The following TPPP variants were observed in gnomAD, a reference collection of about 807,000 sequenced individuals.
TPPP encodes tubulin polymerization-promoting protein.
In TPPP, 6 loss-of-function variants were observed where a neutral mutation model predicts 15.5. The observed-to-expected ratio is 0.39, with a 90% CI of 0.21 to 0.77. TPPP has a LOEUF of 0.77. Among genes scored for constraint, TPPP ranks in the 30% least tolerant of loss-of-function variants. The pLI, the probability that TPPP is intolerant of heterozygous loss-of-function variation, is 0.42. For missense variants in TPPP, 269 were observed against 307.2 expected, an observed-to-expected ratio of 0.88 and a Z score of 0.93; for synonymous variants, 146 against 133.9, an observed-to-expected ratio of 1.09 and a Z score of -0.63.
At chr5:692,329 C>G (rs1740906836) in intron 1 of TPPP, among the ~76,000 whole-genome samples, 1 of 116,512 alleles carries the variant, frequency 8.6e-6, no homozygotes, top group African/African-American at 3.2e-5. Context: ...AACCCCCTAT[C>G]AAAACAGCAG....
chr5:672,953 A>ACCC (rs1740273833), intron 2 of TPPP, among the ~76,000 whole-genome samples: 3 of 152,188 alleles, frequency 2.0e-5, no homozygotes, highest in Admixed American at 1.3e-4. Flanking sequence ...GCTCGCAGAT[A>ACCC]CCCCGAGCTG....
chr5:665,942 C>A, intron 3 of TPPP, 28 bp downstream of exon 3: 1 of 1,395,362 alleles, frequency 7.2e-7, no homozygotes. Flanking sequence ...CCCCTCCAGG[C>A]CCCGCCTTCC....
chr5:683,171 G>A (rs1277703425), intron 1 of TPPP, among the ~76,000 whole-genome samples: 3 of 152,186 alleles, frequency 2.0e-5, no homozygotes, highest in African/African-American at 7.2e-5. Flanking sequence ...CCCATGGTAG[G>A]ACAGCTGCTT....
Position 663,070 on chromosome 5 carries a change from C to T in TPPP, c.*2032G>A, listed in dbSNP as rs9313157. The T allele has an allele frequency of 0.16, 17,648 of 108,772 alleles. 1,996 individuals are homozygous for T. Among genetic ancestry groups the T allele is most frequent in the South Asian group, 0.24 (772 of 3,172 alleles). The allele number at this position is 108,772 out of a possible 1,614,324, so 6.7% of individuals were successfully genotyped here. On this transcript the variant is annotated 3_prime_UTR_variant, in exon 4 of 4. Transcript: ENST00000360578. ...CTGCTCGTCTGTGATCGGGTGATTC[C>T]GATGACTGCTTGTCTGTGATTGGGC... is the stretch of plus-strand genomic sequence containing the variant.
chr5:668,911 C>G (rs528794252), intron 2 of TPPP, among the ~76,000 whole-genome samples: 31 of 152,330 alleles, frequency 2.0e-4, no homozygotes, highest in Middle Eastern at 3.4e-3. Flanking sequence ...TGGAGCCAGG[C>G]ACGGAGGTGC....
rs1421677126 is a variant in TPPP, at chr5:662,637, G to C, written c.*2465C>G. 6.6e-6 allele frequency: 1 copy of C among 152,612 alleles called. No homozygotes were observed. Among genetic ancestry groups the C allele is most frequent in the Non-Finnish European group, 1.5e-5 (1 of 68,268 alleles). The allele number at this position is 152,612 out of a possible 1,614,324, so 9.5% of individuals were successfully genotyped here. ...CTGGGCTGCCCACGGACAGAAAGGAGAAACGCAGCCTGTGACCAGGAGACG... is the reference window on the plus strand; with the variant it reads ...CTGGGCTGCCCACGGACAGAAAGGACAAACGCAGCCTGTGACCAGGAGACG... On this transcript the variant is annotated 3_prime_UTR_variant, in exon 4 of 4. Coordinates refer to ENST00000360578, the MANE Select transcript of TPPP (RefSeq NM_007030.3).
intron 2 of TPPP, among the ~76,000 whole-genome samples, chr5:670,147 C>A (rs1227432511): frequency 1.3e-5 from 2 of 152,200 alleles, no homozygotes; most frequent in African/African-American, 4.8e-5. Flanking sequence ...CCTCCAGGAG[C>A]TGGGCTCAGG....
Position 687,057 on chromosome 5 carries a change from A to C in TPPP, c.-5+6221T>G, listed in dbSNP as rs370829438. Among the ~76,000 whole-genome samples the C allele has an allele frequency of 1.7e-4, 22 of 129,078 alleles. 1 individual carries two copies. In the East Asian group the frequency reaches 4.2e-3, roughly 25 times the overall value. 84.7% of individuals were successfully genotyped at this position (129,078 alleles called of 152,430 possible). ...ATGCCTGGTGCTGTTACAGCAACAC[A>C]CACGGACTAACACAGTCGCCATGAG... On this transcript the variant is annotated intron_variant, in intron 1 of 3. Coordinates refer to ENST00000360578, the MANE Select transcript of TPPP (RefSeq NM_007030.3).
At position 660,859 on chromosome 5, in the gene TPPP, C is replaced by A. The variant is rs1363664086; in HGVS notation, c.*4243G>T. The A allele has an allele frequency of 6.6e-6, 1 of 152,172 alleles. No individual in the cohort carries two copies. The highest frequency in any genetic ancestry group is 1.5e-5 in the Non-Finnish European group (1 of 68,034). 9.4% of individuals were successfully genotyped at this position (152,172 alleles called of 1,614,324 possible). Reference sequence around the variant, plus strand: ...AGCCCTGAGCTGGCATCCCTGGGGCCCGGGATGGAGTGGCACCAACAGGCA... The same window carrying A: ...AGCCCTGAGCTGGCATCCCTGGGGCACGGGATGGAGTGGCACCAACAGGCA... On this transcript the variant is annotated 3_prime_UTR_variant, in exon 4 of 4. Transcript: ENST00000360578.
chr5:671,781 A>C (rs1740232496), intron 2 of TPPP, among the ~76,000 whole-genome samples: 1 of 152,080 alleles, frequency 6.6e-6, no homozygotes, highest in Admixed American at 6.5e-5. Flanking sequence ...CTCCCCAAAG[A>C]CAGAACTGGC....
At chr5:693,431 C>A (rs966466958), upstream of TPPP, 1 of 147,640 alleles carries the variant, frequency 6.8e-6, no homozygotes, top group Non-Finnish European at 1.5e-5. Context: ...CCGCCCCCGG[C>A]CCCCAGCGTC....
chr5:665,035 T>C lies in TPPP; in HGVS notation c.*67A>G. 1 of 1,537,066 alleles carries C rather than the reference T, an allele frequency of 6.5e-7. No individual in the cohort carries two copies. Among genetic ancestry groups the C allele is most frequent in the Non-Finnish European group, 8.8e-7 (1 of 1,138,456 alleles). On this transcript the variant is annotated 3_prime_UTR_variant, in exon 4 of 4. Coordinates refer to ENST00000360578, the MANE Select transcript of TPPP (RefSeq NM_007030.3). Reference sequence around the variant, plus strand: ...TGCCCCAGTTAGTACAGGAATGTAATGAAGTGCGAGGTGACAGAGTCCCTG... The same window carrying C: ...TGCCCCAGTTAGTACAGGAATGTAACGAAGTGCGAGGTGACAGAGTCCCTG...
chr5:692,501 C>T lies in TPPP; in HGVS notation c.-5+777G>A. 8.6e-6 allele frequency: 8 copies of T among 926,118 alleles called. 2 individuals carry two copies. The highest frequency in any genetic ancestry group is 1.0e-5 in the Non-Finnish European group (8 of 775,780). The allele number at this position is 926,118 out of a possible 1,614,324, so 57.4% of individuals were successfully genotyped here. A position where few individuals can be genotyped will look rare whatever the true frequency, so the allele number is the denominator to read the frequency against. ...CAAACCCCCATCAAGACAACAGCCCCCCCAAAACCCTTATCAAAACAGCAG... is the reference window on the plus strand; with the variant it reads ...CAAACCCCCATCAAGACAACAGCCCTCCCAAAACCCTTATCAAAACAGCAG... On this transcript the variant is annotated intron_variant, in intron 1 of 3. Coordinates refer to ENST00000360578, the MANE Select transcript of TPPP (RefSeq NM_007030.3).
intron 1 of TPPP, among the ~76,000 whole-genome samples, chr5:683,733 T>A (rs141495964): frequency 0.019 from 2,948 of 152,188 alleles, 62 homozygotes; most frequent in African/African-American, 0.067. Context: ...GTTGGAGGGG[T>A]GGGGGCCGAG....
upstream of TPPP, chr5:693,542 T>C (rs1740955769): frequency 6.6e-6 from 1 of 151,482 alleles, no homozygotes; most frequent in African/African-American, 2.4e-5. Flanking sequence ...ACCTCTGCCT[T>C]ACAAGGCCGA....
chr5:682,861 A>G (rs570967640), intron 1 of TPPP, among the ~76,000 whole-genome samples: 5 of 152,312 alleles, frequency 3.3e-5, no homozygotes, highest in African/African-American at 1.2e-4. Flanking sequence ...TGCTCACATC[A>G]TCAGCAGTGC....
chr5:664,723 T>TG lies in TPPP; in HGVS notation c.*378dup, dbSNP rs1739822443. 2 of 211,008 alleles carry TG rather than the reference T, an allele frequency of 9.5e-6. No homozygotes were observed. Among genetic ancestry groups the TG allele is most frequent in the East Asian group, 2.6e-4 (2 of 7,838 alleles). The allele number at this position is 211,008 out of a possible 1,614,324, so 13.1% of individuals were successfully genotyped here. A position where few individuals can be genotyped will look rare whatever the true frequency, so the allele number is the denominator to read the frequency against. On this transcript the variant is annotated 3_prime_UTR_variant, in exon 4 of 4. Coordinates refer to ENST00000360578, the MANE Select transcript of TPPP (RefSeq NM_007030.3). ...TAGCTCCTGCCACCCTCAGGGCTCC[T>TG]GGAAGGTGTCTGCCGCTCAGGAGGT...
chr5:693,509 C>CA (rs1372669774), upstream of TPPP: 8 of 54,842 alleles, frequency 1.5e-4, no homozygotes, highest in Non-Finnish European at 2.4e-4. Flanking sequence ...CCACCCGGCC[C>CA]GGGGACGCGC....
At chr5:685,730 C>A (rs1019443335) in intron 1 of TPPP, among the ~76,000 whole-genome samples, 2 of 152,226 alleles carry the variant, frequency 1.3e-5, no homozygotes, top group Non-Finnish European at 2.9e-5. Flanking sequence ...GTGGTCCTTG[C>A]AGCGCCCAGC....
Sources: allele counts gnomAD v4.1 joint callset (sites outside exome capture counted in the v4.1 genomes callset), GRCh38; gene constraint gnomAD v4.1.1; transcripts MANE v1.5; gene names NCBI Gene and HGNC (gene_info 2026-07-23, HGNC 2026-07-21).